Variants in CDH18 observed in about 807,000 individuals in gnomAD.
CDH18 encodes cadherin 18, also known as cadherin-18.
Under a neutral mutation model 67.9 loss-of-function variants are expected in CDH18, and 31 were observed. The observed-to-expected ratio is 0.46, with a 90% CI of 0.34 to 0.62. The LOEUF (loss-of-function observed/expected upper bound fraction) is 0.62. Among genes scored for constraint, CDH18 ranks in the 20% least tolerant of loss-of-function variants. The probability of loss-of-function intolerance (pLI) is 0.01; values close to 1 mark genes in which losing one functional copy is unlikely to be tolerated. For synonymous variants in CDH18, 362 were observed against 347.2 expected (o/e 1.04, Z -0.48); for missense variants, 890 against 975.5 (o/e 0.91, Z 1.17).
chr5:20,418,458 A>C (rs974016329), intron 1 of CDH18, among the ~76,000 whole-genome samples: 2 of 151,604 alleles, frequency 1.3e-5, no homozygotes, highest in Admixed American at 6.6e-5. Context: ...AGAGTCGGTT[A>C]AACACATGCG....
intron 2 of CDH18, among the ~76,000 whole-genome samples, chr5:20,157,218 A>C (rs1329711252): frequency 1.3e-5 from 2 of 152,204 alleles, no homozygotes; most frequent in African/African-American, 2.4e-5. Flanking sequence ...TTTAGACTAC[A>C]GTTGACCACA....
At chr5:19,931,247 C>T (rs1027356152) in intron 2 of CDH18, among the ~76,000 whole-genome samples, 3 of 151,792 alleles carry the variant, frequency 2.0e-5, no homozygotes, top group Non-Finnish European at 4.4e-5. Context: ...TTTATGTCTC[C>T]TCAATCTAAT....
intron 1 of CDH18, among the ~76,000 whole-genome samples, chr5:20,414,315 A>C (rs969252515): frequency 6.6e-6 from 1 of 152,220 alleles, no homozygotes; most frequent in Non-Finnish European, 1.5e-5. Context: ...CTTCGTTTAC[A>C]ACAATATGAA....
intron 1 of CDH18, among the ~76,000 whole-genome samples, chr5:20,334,040 G>C (rs183992097): frequency 6.6e-6 from 1 of 151,428 alleles, no homozygotes; most frequent in African/African-American, 2.4e-5. Flanking sequence ...GGAATGAGTA[G>C]AGGAAGAAGA....
At chr5:19,957,373 A>G (rs73762465) in intron 2 of CDH18, among the ~76,000 whole-genome samples, 4,450 of 151,244 alleles carry the variant, frequency 0.029, 258 homozygotes, top group East Asian at 0.22. Flanking sequence ...CATCAATAAT[A>G]ATATATCATA....
intron 7 of CDH18, among the ~76,000 whole-genome samples, chr5:19,582,872 T>C (rs1485490932): frequency 6.6e-6 from 1 of 151,832 alleles, no homozygotes; most frequent in African/African-American, 2.4e-5. Context: ...GGAATGACAA[T>C]GTAATCCTCA....
intron 1 of CDH18, among the ~76,000 whole-genome samples, chr5:20,339,452 T>C (rs949266203): frequency 6.6e-6 from 1 of 152,126 alleles, no homozygotes; most frequent in African/African-American, 2.4e-5. Context: ...GACTCAGCCC[T>C]ACTAGCAGTT....
intron 2 of CDH18, among the ~76,000 whole-genome samples, chr5:20,183,698 A>C (rs1210339153): frequency 6.6e-6 from 1 of 152,120 alleles, no homozygotes. Flanking sequence ...ACTTGCATAT[A>C]GTTTTCTGTT....
chr5:19,554,850 A>T (rs1449819563), intron 8 of CDH18, among the ~76,000 whole-genome samples: 5 of 152,144 alleles, frequency 3.3e-5, no homozygotes, highest in African/African-American at 4.8e-5. Context: ...AGTGTCAATT[A>T]TTAATTAATA....
intron 5 of CDH18, among the ~76,000 whole-genome samples, chr5:19,673,496 C>A (rs561915749): frequency 1.1e-4 from 17 of 151,750 alleles, no homozygotes; most frequent in Non-Finnish European, 2.2e-4. Context: ...AAAATAAAAT[C>A]TTTAAAGTAA....
chr5:20,116,226 A>G (rs1747896801), intron 2 of CDH18, among the ~76,000 whole-genome samples: 1 of 152,122 alleles, frequency 6.6e-6, no homozygotes, highest in African/African-American at 2.4e-5. Context: ...TCTGGCAAGT[A>G]GGATGGGGAC....
chr5:19,858,238 A>C (rs1002680575), intron 2 of CDH18, among the ~76,000 whole-genome samples: 2 of 152,176 alleles, frequency 1.3e-5, no homozygotes, highest in African/African-American at 4.8e-5. Context: ...ATTGTTTGAA[A>C]GAGTTATTAT....
At chr5:19,715,674 C>A (rs1410743159) in intron 5 of CDH18, among the ~76,000 whole-genome samples, 1 of 151,984 alleles carries the variant, frequency 6.6e-6, no homozygotes, top group East Asian at 1.9e-4. Context: ...TGTATCTTAT[C>A]TTTTTAAAAT....
chr5:20,197,070 G>A (rs1253081579), intron 2 of CDH18, among the ~76,000 whole-genome samples: 1 of 152,048 alleles, frequency 6.6e-6, no homozygotes, highest in East Asian at 1.9e-4. Context: ...GGAGTGCAGT[G>A]GCAGGATCTC....
At chr5:20,104,216 A>G (rs1185422980) in intron 2 of CDH18, among the ~76,000 whole-genome samples, 2 of 152,072 alleles carry the variant, frequency 1.3e-5, no homozygotes, top group Non-Finnish European at 2.9e-5. Flanking sequence ...GGCAAATTAA[A>G]TTAAATCCAC....
At chr5:20,309,477 A>G (rs868723939) in intron 1 of CDH18, among the ~76,000 whole-genome samples, 2 of 152,248 alleles carry the variant, frequency 1.3e-5, no homozygotes, top group Non-Finnish European at 2.9e-5. Flanking sequence ...ATTTTAAGAA[A>G]AAAAACACAT....
chr5:20,565,206 T>C (rs926361728), intron 1 of CDH18, among the ~76,000 whole-genome samples: 1 of 152,202 alleles, frequency 6.6e-6, no homozygotes, highest in African/African-American at 2.4e-5. Context: ...TGAACTGGCC[T>C]TGTTTTGAGA....
intron 1 of CDH18, among the ~76,000 whole-genome samples, chr5:20,454,979 G>C (rs1750735209): frequency 6.6e-6 from 1 of 151,760 alleles, no homozygotes; most frequent in Non-Finnish European, 1.5e-5. Context: ...TGTATTCTTG[G>C]AATAGCCAGG....
chr5:19,586,042 T>C (rs1009042183), intron 7 of CDH18, among the ~76,000 whole-genome samples: 5 of 152,102 alleles, frequency 3.3e-5, no homozygotes, highest in Non-Finnish European at 7.4e-5. Flanking sequence ...TTTCCCAAAA[T>C]GTCACAGTAA....
Sources: gnomAD v4.1 joint callset for allele counts (sites outside exome capture counted in the v4.1 genomes callset) on GRCh38, gnomAD v4.1.1 for gene constraint, MANE v1.5 for transcripts, NCBI Gene and HGNC (gene_info 2026-07-23, HGNC 2026-07-21) for gene names.